Variants in PRR16 observed in about 807,000 individuals in gnomAD.
PRR16 encodes the protein proline rich 16.
In PRR16, 6 loss-of-function variants were observed where a neutral mutation model predicts 18.2. That is an observed-to-expected ratio of 0.33 (90% confidence interval 0.18 to 0.65). The LOEUF (loss-of-function observed/expected upper bound fraction) is 0.65, where lower values mean the gene tolerates loss of function less well. Ranked by LOEUF, PRR16 falls within the 30% of genes least tolerant of loss-of-function variation. The pLI, the probability that PRR16 is intolerant of heterozygous loss-of-function variation, is 0.74. For synonymous variants in PRR16, 151 were observed against 147.8 expected, an observed-to-expected ratio of 1.02 and a Z score of -0.16; for missense variants, 412 against 376.6, an observed-to-expected ratio of 1.09 and a Z score of -0.78.
At chr5:120,480,904 T>G (rs1749588938) in intron 1 of PRR16, among the ~76,000 whole-genome samples, 1 of 152,188 alleles carries the variant, frequency 6.6e-6, no homozygotes, top group Non-Finnish European at 1.5e-5. Flanking sequence ...TGATTTCCTA[T>G]GCAATTATAA....
At chr5:120,626,254 T>C (rs926543315) in intron 1 of PRR16, among the ~76,000 whole-genome samples, 4 of 152,130 alleles carry the variant, frequency 2.6e-5, no homozygotes, top group Admixed American at 2.6e-4. Flanking sequence ...GATATACCTA[T>C]ACAATGGCAT....
At chr5:120,481,822 A>C (rs988402599) in intron 1 of PRR16, among the ~76,000 whole-genome samples, 3 of 152,164 alleles carry the variant, frequency 2.0e-5, no homozygotes, top group Non-Finnish European at 4.4e-5. Flanking sequence ...GTTTCAAAAC[A>C]AATTTTGAAA....
rs139409917 is a variant in PRR16 at position 120,521,139 on chromosome 5, C to T, written c.159+56494C>T. Among the ~76,000 whole-genome samples, 298 of 152,230 alleles carry T rather than the reference C, an allele frequency of 2.0e-3. 2 individuals carry two copies. Among genetic ancestry groups the T allele is most frequent in the African/African-American group, 6.6e-3 (273 of 41,536 alleles). The stretch of plus-strand genomic sequence containing the variant: ...TGAGACAAAGATCTTTGTTCCTCTG[C>T]ATCAACCAAACCAAGGATACAGGAT... On this transcript the variant is annotated intron_variant, in intron 1 of 1. Transcript: ENST00000407149.
At chr5:120,734,026 G>C in the PRR16 span, among the ~76,000 whole-genome samples, 3 of 152,100 alleles carry the variant, frequency 2.0e-5, no homozygotes, top group African/African-American at 7.2e-5. Context: ...TAATACAACT[G>C]TGTGACTGAT....
intron 1 of PRR16, among the ~76,000 whole-genome samples, chr5:120,533,424 A>G (rs1360400844): frequency 6.6e-6 from 1 of 152,220 alleles, no homozygotes; most frequent in Admixed American, 6.5e-5. Context: ...ATTGCATTTT[A>G]GAAAATGATA....
At chr5:120,782,422 A>T in the PRR16 span, among the ~76,000 whole-genome samples, 150,910 of 152,286 alleles carry the variant, frequency 0.99, 74,782 homozygotes, top group East Asian at 1. Context: ...TATCTTTCAA[A>T]TTGTGTTTTA....
the PRR16 span, among the ~76,000 whole-genome samples, chr5:120,749,671 C>G: frequency 4.6e-5 from 7 of 152,006 alleles, no homozygotes; most frequent in Admixed American, 3.9e-4. Flanking sequence ...ATAATTAATA[C>G]CAAAACCTAG....
chr5:120,660,544 C>G (rs1347039892), intron 1 of PRR16, among the ~76,000 whole-genome samples: 1 of 151,992 alleles, frequency 6.6e-6, no homozygotes, highest in African/African-American at 2.4e-5. Context: ...TATAATAATA[C>G]AAGGTACTAA....
At chr5:120,641,836 T>G (rs7725942) in intron 1 of PRR16, among the ~76,000 whole-genome samples, 1,842 of 152,216 alleles carry the variant, frequency 0.012, 47 homozygotes, top group African/African-American at 0.042. Context: ...GGTTGGCATC[T>G]TTTGCATGTA....
chr5:120,665,664 C>G (rs895976085), intron 1 of PRR16, among the ~76,000 whole-genome samples: 1 of 152,072 alleles, frequency 6.6e-6, no homozygotes, highest in African/African-American at 2.4e-5. Flanking sequence ...CCAGTTTCAG[C>G]TTTCTACGTA....
intron 1 of PRR16, among the ~76,000 whole-genome samples, chr5:120,619,023 T>G (rs1014660370): frequency 1.3e-5 from 2 of 152,106 alleles, no homozygotes; most frequent in African/African-American, 4.8e-5. Context: ...GTCTTGATGG[T>G]CTATAAACAG....
chr5:120,581,337 T>C (rs1033200028), intron 1 of PRR16, among the ~76,000 whole-genome samples: 2 of 152,202 alleles, frequency 1.3e-5, no homozygotes, highest in Non-Finnish European at 2.9e-5. Flanking sequence ...CTGATAGTAG[T>C]TTGTATTTCT....
At chr5:120,574,404 G>T (rs559809701) in intron 1 of PRR16, among the ~76,000 whole-genome samples, 1 of 152,132 alleles carries the variant, frequency 6.6e-6, no homozygotes. Context: ...AGGAGTTCGA[G>T]ACCAGCCTGG....
chr5:120,728,745 A>G, the PRR16 span, among the ~76,000 whole-genome samples: 1 of 152,184 alleles, frequency 6.6e-6, no homozygotes, highest in Non-Finnish European at 1.5e-5. Context: ...CAGGCACTCA[A>G]GTGCCTAATT....
At chr5:120,629,463 A>T (rs952436063) in intron 1 of PRR16, among the ~76,000 whole-genome samples, 1 of 152,108 alleles carries the variant, frequency 6.6e-6, no homozygotes, top group East Asian at 1.9e-4. Context: ...CAAATGCTAT[A>T]AAGTATTTCT....
intron 1 of PRR16, chr5:120,618,347 TAAA>T (rs2112816485): frequency 2.0e-6 from 1 of 495,592 alleles, no homozygotes; most frequent in African/African-American, 2.1e-5. Flanking sequence ...TGCCATTAAA[TAAA>T]ATTTCTATAT....
chr5:120,689,338 A>G (rs1457507493), downstream of PRR16, among the ~76,000 whole-genome samples: 2 of 152,160 alleles, frequency 1.3e-5, no homozygotes, highest in African/African-American at 2.4e-5. Context: ...ATACAGCTTC[A>G]TAATATTTGT....
the PRR16 span, among the ~76,000 whole-genome samples, chr5:120,719,007 G>A: frequency 4.0e-5 from 6 of 151,828 alleles, no homozygotes; most frequent in Non-Finnish European, 7.4e-5. Context: ...GAAGATTAGA[G>A]GACAGATATT....
At chr5:120,470,837 A>G (rs72786244) in intron 1 of PRR16, among the ~76,000 whole-genome samples, 3,646 of 152,282 alleles carry the variant, frequency 0.024, 52 homozygotes, top group South Asian at 0.036. Context: ...TAAGTGGAGA[A>G]GTGAAGCTTC....
Sources: allele counts gnomAD v4.1 joint callset (sites outside exome capture counted in the v4.1 genomes callset), GRCh38; gene constraint gnomAD v4.1.1; transcripts MANE v1.5; gene names NCBI Gene and HGNC (gene_info 2026-07-23, HGNC 2026-07-21).